PPP3R1: variants seen among roughly 807,000 people sequenced by gnomAD.
The protein encoded by PPP3R1 is protein phosphatase 3 regulatory subunit B, alpha, also known as calcineurin subunit B type 1.
In PPP3R1, 5 loss-of-function variants were observed where a neutral mutation model predicts 22.6. That is an observed-to-expected ratio of 0.22 (90% confidence interval 0.12 to 0.46). The LOEUF is 0.46. PPP3R1 is among the 20% of genes least tolerant of loss of function. The pLI, the probability that PPP3R1 is intolerant of heterozygous loss-of-function variation, is 0.99. For missense variants in PPP3R1, 61 were observed against 203.2 expected (o/e 0.30, Z 4.25); for synonymous variants, 56 against 65.2 (o/e 0.86, Z 0.68).
intron 1 of PPP3R1, among the ~76,000 whole-genome samples, chr2:68,230,592 C>T (rs987753325): frequency 6.6e-5 from 10 of 152,200 alleles, no homozygotes; most frequent in Non-Finnish European, 1.0e-4. Context: ...TGTATTTACC[C>T]GTACTTTTAC....
intron 5 of PPP3R1, among the ~76,000 whole-genome samples, chr2:68,185,573 T>C (rs1674530246): frequency 1.3e-5 from 2 of 151,314 alleles, no homozygotes; most frequent in African/African-American, 4.8e-5. Context: ...CCATTTATTT[T>C]ATTCCCCTAA....
intron 2 of PPP3R1, among the ~76,000 whole-genome samples, chr2:68,204,804 T>C (rs752871797): frequency 6.6e-6 from 1 of 152,236 alleles, no homozygotes; most frequent in Non-Finnish European, 1.5e-5. Flanking sequence ...ACGAGTTGTC[T>C]ATGTAATCCA....
chr2:68,229,232 A>C (rs558045595), intron 1 of PPP3R1, among the ~76,000 whole-genome samples: 47 of 151,876 alleles, frequency 3.1e-4, no homozygotes, highest in African/African-American at 1.1e-3. Context: ...GGCTCGTCTC[A>C]AACTCCTGGC....
chr2:68,199,405 G>A (rs1350345320), intron 2 of PPP3R1, among the ~76,000 whole-genome samples: 1 of 152,090 alleles, frequency 6.6e-6, no homozygotes, highest in Non-Finnish European at 1.5e-5. Flanking sequence ...TGTCATCTGG[G>A]AATAAAAACA....
chr2:68,202,485 C>G (rs1405636502), intron 2 of PPP3R1, among the ~76,000 whole-genome samples: 2 of 151,898 alleles, frequency 1.3e-5, no homozygotes, highest in Admixed American at 1.3e-4. Context: ...AGTGCAATGA[C>G]ACAGACTCGG....
intron 1 of PPP3R1, among the ~76,000 whole-genome samples, chr2:68,229,491 T>C (rs775590230): frequency 3.3e-5 from 5 of 152,226 alleles, no homozygotes; most frequent in East Asian, 1.9e-4. Context: ...GAAATAGGTG[T>C]TGACGTCTCC....
Position 68,220,356 on chromosome 2 carries a change from G to T in PPP3R1, c.4-3225C>A, listed in dbSNP as rs76743851. ...TCCAGTCTCTGCATAAGTTTGAGAG[G>T]AAACTCCCCAAGTCCAGGAAAAGAA... is the stretch of plus-strand genomic sequence containing the variant. On this transcript the variant is annotated intron_variant, in intron 1 of 5. Transcript: ENST00000234310. Among the ~76,000 whole-genome samples the T allele has an allele frequency of 1.5e-3, 235 of 152,282 alleles. 1 individual carries two copies. The highest frequency in any genetic ancestry group is 2.3e-3 in the Non-Finnish European group (157 of 68,016).
At chr2:68,235,219 T>C (rs1412663742) in intron 1 of PPP3R1, among the ~76,000 whole-genome samples, 1 of 152,186 alleles carries the variant, frequency 6.6e-6, no homozygotes, top group Non-Finnish European at 1.5e-5. Flanking sequence ...TTTATTGAAA[T>C]ATAATTTATA....
intron 2 of PPP3R1, among the ~76,000 whole-genome samples, chr2:68,202,690 G>T (rs1256174104): frequency 6.6e-6 from 1 of 151,550 alleles, no homozygotes; most frequent in Non-Finnish European, 1.5e-5. Context: ...CTCCCAAAGT[G>T]CTGGGATTAC....
intron 5 of PPP3R1, among the ~76,000 whole-genome samples, chr2:68,186,254 T>C (rs1381720953): frequency 6.6e-6 from 1 of 152,180 alleles, no homozygotes; most frequent in East Asian, 1.9e-4. Flanking sequence ...CTAGTTGTAA[T>C]TTGAGAGGCT....
At chr2:68,218,268 A>T (rs894458158) in intron 1 of PPP3R1, among the ~76,000 whole-genome samples, 1 of 152,076 alleles carries the variant, frequency 6.6e-6, no homozygotes, top group Non-Finnish European at 1.5e-5. Flanking sequence ...TTTTAGTATG[A>T]CTGGCTGGCT....
At chr2:68,221,527 T>C (rs1344902935) in intron 1 of PPP3R1, among the ~76,000 whole-genome samples, 1 of 152,136 alleles carries the variant, frequency 6.6e-6, no homozygotes, top group African/African-American at 2.4e-5. Context: ...CACTGAACTG[T>C]TCACTTTTAA....
intron 2 of PPP3R1, among the ~76,000 whole-genome samples, chr2:68,211,164 T>G (rs1286000939): frequency 1.3e-5 from 2 of 152,134 alleles, no homozygotes; most frequent in Non-Finnish European, 2.9e-5. Flanking sequence ...CCCAGCACTT[T>G]GGGAGGCCGA....
intron 5 of PPP3R1, among the ~76,000 whole-genome samples, chr2:68,183,671 A>T (rs1674469514): frequency 6.6e-6 from 1 of 152,184 alleles, no homozygotes; most frequent in Admixed American, 6.5e-5. Context: ...CAATATCCCC[A>T]AGGATAATGA....
At chr2:68,237,717 CTTTT>C (rs976675685) in intron 1 of PPP3R1, among the ~76,000 whole-genome samples, 2 of 152,092 alleles carry the variant, frequency 1.3e-5, no homozygotes, top group East Asian at 3.9e-4. Context: ...GGGGCTGTAT[CTTTT>C]TTTCATTCAT....
chr2:68,232,627 GAC>G (rs1336993756), intron 1 of PPP3R1, among the ~76,000 whole-genome samples: 1 of 151,778 alleles, frequency 6.6e-6, no homozygotes, highest in Non-Finnish European at 1.5e-5. Context: ...TTGTTTTTGA[GAC>G]AGAGTCTTGC....
At chr2:68,195,886 C>T (rs1407114574) in intron 2 of PPP3R1, among the ~76,000 whole-genome samples, 2 of 151,142 alleles carry the variant, frequency 1.3e-5, no homozygotes, top group African/African-American at 2.4e-5. Flanking sequence ...TTTCCAACAA[C>T]CTTTTTTTTT....
At chr2:68,186,344 G>C in intron 5 of PPP3R1, 124 bp downstream of exon 5, 1 of 834,874 alleles carries the variant, frequency 1.2e-6, no homozygotes, top group Non-Finnish European at 1.8e-6. Context: ...AAAACAATAC[G>C]GGCAATTAGG....
chr2:68,232,932 A>G (rs374110019), intron 1 of PPP3R1, among the ~76,000 whole-genome samples: 61 of 152,280 alleles, frequency 4.0e-4, no homozygotes, highest in African/African-American at 1.2e-3. Flanking sequence ...TAATAATATT[A>G]TCCTGTAATA....
Sources: gnomAD v4.1 joint callset for allele counts (sites outside exome capture counted in the v4.1 genomes callset) on GRCh38, gnomAD v4.1.1 for gene constraint, MANE v1.5 for transcripts, NCBI Gene and HGNC (gene_info 2026-07-23, HGNC 2026-07-21) for gene names.